The following SUCO variants were observed in gnomAD, a reference collection of about 807,000 sequenced individuals.
SUCO encodes SUN domain-containing ossification factor.
In SUCO, 57 loss-of-function variants were observed where a neutral mutation model predicts 148.1. The observed-to-expected ratio is 0.38, with a 90% CI of 0.31 to 0.48. The LOEUF (loss-of-function observed/expected upper bound fraction) is 0.48. Among genes scored for constraint, SUCO ranks in the 20% least tolerant of loss-of-function variants. SUCO has a pLI of 0.96. For missense variants in SUCO, 1,331 were observed against 1,468.2 expected (o/e 0.91, Z 1.53); for synonymous variants, 470 against 502.7 (o/e 0.93, Z 0.87).
At chr1:172,558,852 G>T (rs756054562) in intron 6 of SUCO, among the ~76,000 whole-genome samples, 1 of 152,188 alleles carries the variant, frequency 6.6e-6, no homozygotes, top group Non-Finnish European at 1.5e-5. Context: ...AGCTAACTTT[G>T]TCCTAGATTT....
chr1:172,574,444 A>G lies in SUCO; in HGVS notation c.1157+446A>G, dbSNP rs748725794. On this transcript the variant is annotated intron_variant, in intron 10 of 23. Transcript: ENST00000263688. ...TATTTTTATTAAAATATATTCTAAA[A>G]CTTTTTTTGTACATGTGTGATTATA... 4.1e-4 allele frequency among the ~76,000 whole-genome samples: 62 copies of G among 152,014 alleles called. 1 individual carries two copies. The highest frequency in any genetic ancestry group is 1.3e-4 in the Non-Finnish European group (9 of 67,912).
chr1:172,610,268 G>A lies in SUCO; in HGVS notation c.*9G>A. 1 of 1,564,730 alleles carries A rather than the reference G, an allele frequency of 6.4e-7. No homozygotes were observed. Among genetic ancestry groups the A allele is most frequent in the Non-Finnish European group, 8.6e-7 (1 of 1,160,174 alleles). On this transcript the variant is annotated 3_prime_UTR_variant, in exon 24 of 24. Coordinates refer to ENST00000263688, the MANE Select transcript of SUCO (RefSeq NM_014283.5). ...TCTCGGGACATATCTAAAATTAATT[G>A]AACTTTTCATACAGAAGACTTTTTT...
At chr1:172,578,601 T>C in intron 14 of SUCO, 6 of 923,836 alleles carry the variant, frequency 6.5e-6, no homozygotes, top group Non-Finnish European at 7.8e-6. Flanking sequence ...TATCTATCAC[T>C]TATTTGTAAC....
chr1:172,609,881 C>A lies in SUCO; in HGVS notation c.3387C>A (p.Pro1129=), dbSNP rs1312369868. 2 of 1,613,694 alleles carry A rather than the reference C, an allele frequency of 1.2e-6. No individual in the cohort carries two copies. The highest frequency in any genetic ancestry group is 3.3e-5 in the Admixed American group (2 of 59,974). ...TAAAGCCTGAAGAACCATTGCACCC[C>A]ATAGCCAATGGCGACATAAAAGGAA... is the stretch of plus-strand genomic sequence containing the variant. ...ETIKPEEPLH[P]IANGDIKGRK... The change falls in exon 24 of 24, where the codon CCC becomes CCA. Residue 1129 remains proline (P), a synonymous_variant. Transcript: ENST00000263688.
intron 3 of SUCO, 150 bp downstream of exon 3, chr1:172,553,520 T>C: frequency 2.3e-6 from 1 of 437,716 alleles, no homozygotes; most frequent in Non-Finnish European, 4.1e-6. Flanking sequence ...TACCTGCTAA[T>C]AGTACTACTT....
rs533766789 is a variant in SUCO at position 172,557,371 on chromosome 1, G to A, written c.535G>A (p.Ala179Thr). ...TTGTGATGTTGGTGAGGCCCTTGAT[G>A]CTAGTGCTCCAATTGAACAACCTTC... is the stretch of plus-strand genomic sequence containing the variant. The part of the protein sequence containing the change: ...TDCDVGEALD[A>T]SAPIEQPSFV... Residue 179 changes from alanine (A) to threonine (T), a missense_variant, in exon 5 of 24, where the codon GCT becomes ACT. Physicochemically the swap from Ala to Thr is moderately conservative, Grantham distance 58. Transcript: ENST00000263688. 1.1e-5 allele frequency: 17 copies of A among 1,614,034 alleles called. No individual in the cohort carries two copies. In the South Asian group the frequency reaches 1.5e-4, roughly 15 times the overall value.
chr1:172,536,129 A>G (rs1207336628), intron 1 of SUCO, among the ~76,000 whole-genome samples: 1 of 152,210 alleles, frequency 6.6e-6, no homozygotes, highest in Non-Finnish European at 1.5e-5. Context: ...CCTATAAGAT[A>G]GGTATTATTA....
At chr1:172,532,429 T>G (rs776595233), upstream of SUCO, 6 of 1,485,748 alleles carry the variant, frequency 4.0e-6, no homozygotes, top group African/African-American at 4.2e-5. Flanking sequence ...AAATTCTTGC[T>G]GAAGAGAAGA....
chr1:172,544,876 T>G (rs1652747082), intron 1 of SUCO, among the ~76,000 whole-genome samples: 1 of 152,210 alleles, frequency 6.6e-6, no homozygotes, highest in Non-Finnish European at 1.5e-5. Context: ...GTTAGATTTT[T>G]GGCAGAGGTG....
At chr1:172,586,934 A>G (rs1045639414) in intron 17 of SUCO, among the ~76,000 whole-genome samples, 4 of 152,138 alleles carry the variant, frequency 2.6e-5, no homozygotes, top group Non-Finnish European at 5.9e-5. Context: ...TAAGAAATCT[A>G]TTGGGGATAG....
chr1:172,560,165 C>T (rs1378550007), intron 6 of SUCO, among the ~76,000 whole-genome samples: 18 of 152,148 alleles, frequency 1.2e-4, no homozygotes, highest in Non-Finnish European at 2.9e-5. Context: ...TAATCTAAGA[C>T]AAAACTTTGC....
intron 1 of SUCO, among the ~76,000 whole-genome samples, chr1:172,541,447 G>C (rs12093274): frequency 0.23 from 34,992 of 152,190 alleles, 4,189 homozygotes; most frequent in South Asian, 0.37. Flanking sequence ...ACCCCTTCTG[G>C]ATCCCAAGGG....
chr1:172,555,936 A>G lies in SUCO; in HGVS notation c.356A>G (p.Glu119Gly). 1.2e-6 allele frequency: 2 copies of G among 1,613,444 alleles called. No individual in the cohort carries two copies. The highest frequency in any genetic ancestry group is 4.5e-5 in the East Asian group (2 of 44,850). Residue 119 changes from glutamate (E) to glycine (G), a missense_variant, in exon 4 of 24, where the codon GAG becomes GGG. Physicochemically the swap from Glu to Gly is moderately conservative, Grantham distance 98 (BLOSUM62 -2). Coordinates refer to ENST00000263688, the MANE Select transcript of SUCO (RefSeq NM_014283.5). ...CTCCCTACAGTTGATTTGCATGAAG[A>G]GTCTTCCAATGCAGTTGTGGACAGT... ...ETLPTVDLHE[E>G]SSNAVVDSET...
chr1:172,539,104 A>T (rs746048808), intron 1 of SUCO, among the ~76,000 whole-genome samples: 1 of 152,214 alleles, frequency 6.6e-6, no homozygotes. Context: ...GAACTTGTAC[A>T]TCACTCTTTC....
chr1:172,605,981 A>G lies in SUCO; in HGVS notation c.3266-2766A>G, dbSNP rs925078964. 3.3e-5 allele frequency among the ~76,000 whole-genome samples: 5 copies of G among 151,590 alleles called. No individual in the cohort carries two copies. In the South Asian group the frequency reaches 8.3e-4, roughly 25 times the overall value. ...TGTATTTTGTCATTATGTGTTACCT[A>G]TTGTCATAGGTATTCTATAAATTTT... On this transcript the variant is annotated intron_variant, in intron 22 of 23. Transcript: ENST00000263688.
At chr1:172,557,919 T>C in intron 6 of SUCO, 125 bp downstream of exon 6, 1 of 728,084 alleles carries the variant, frequency 1.4e-6, no homozygotes. Context: ...GACAATAACA[T>C]GTGGAACTAA....
intron 6 of SUCO, among the ~76,000 whole-genome samples, chr1:172,565,490 A>G (rs1469292422): frequency 6.6e-6 from 1 of 152,184 alleles, no homozygotes; most frequent in Non-Finnish European, 1.5e-5. Flanking sequence ...ACCCCAGCGC[A>G]TCTTGGGTGC....
intron 1 of SUCO, among the ~76,000 whole-genome samples, chr1:172,548,848 C>G (rs1463138339): frequency 1.3e-5 from 2 of 151,836 alleles, no homozygotes; most frequent in Admixed American, 1.3e-4. Context: ...GTATAAAATT[C>G]TGTATCTTTG....
In SUCO at chr1:172,540,835, A is replaced by C. The variant is rs547277362; in HGVS notation, c.62+7338A>C. 3.9e-5 allele frequency among the ~76,000 whole-genome samples: 6 copies of C among 152,288 alleles called. No homozygotes were observed. The East Asian group carries it at 7.7e-4, about 20-fold the overall frequency. ...AAAGAGAGTTATGAATGGAAGAGAT[A>C]ATCTAGTTGATATGGGTAAGAGTGG... On this transcript the variant is annotated intron_variant, in intron 1 of 23. Coordinates refer to ENST00000263688, the MANE Select transcript of SUCO (RefSeq NM_014283.5).
Sources: allele counts gnomAD v4.1 joint callset (sites outside exome capture counted in the v4.1 genomes callset), GRCh38; gene constraint gnomAD v4.1.1; transcripts MANE v1.5; gene names NCBI Gene and HGNC (gene_info 2026-07-23, HGNC 2026-07-21).